The following PIGL variants were observed in gnomAD, a reference collection of about 807,000 sequenced individuals.
PIGL encodes phosphatidylinositol glycan anchor biosynthesis class L.
Under a neutral mutation model 31.1 loss-of-function variants are expected in PIGL, and 22 were observed. That is an observed-to-expected ratio of 0.71 (90% confidence interval 0.51 to 1.01). The LOEUF (loss-of-function observed/expected upper bound fraction) is 1.01. Ranked by LOEUF, PIGL falls within the 50% of genes least tolerant of loss-of-function variation. PIGL has a pLI of 0.00. For missense variants in PIGL, 302 were observed against 315.9 expected, an observed-to-expected ratio of 0.96 and a Z score of 0.33; for synonymous variants, 131 against 117.4, an observed-to-expected ratio of 1.12 and a Z score of -0.75.
chr17:16,307,218 G>A (rs887543125), intron 3 of PIGL, among the ~76,000 whole-genome samples: 2 of 152,156 alleles, frequency 1.3e-5, no homozygotes, highest in African/African-American at 2.4e-5. Context: ...GCCAGAAGCC[G>A]GTCTCCTCAT....
chr17:16,267,448 A>G (rs1052406413), intron 2 of PIGL, among the ~76,000 whole-genome samples: 2 of 152,098 alleles, frequency 1.3e-5, no homozygotes, highest in African/African-American at 4.8e-5. Flanking sequence ...TTGAAAAAAT[A>G]TCTTTGTATA....
chr17:16,301,001 C>T (rs547252643), intron 3 of PIGL, among the ~76,000 whole-genome samples: 4 of 152,272 alleles, frequency 2.6e-5, no homozygotes, highest in African/African-American at 9.6e-5. Flanking sequence ...TACTGTCTAC[C>T]ACTCAAAAAA....
At chr17:16,269,400 C>A (rs532668960) in intron 2 of PIGL, among the ~76,000 whole-genome samples, 1 of 152,340 alleles carries the variant, frequency 6.6e-6, no homozygotes, top group Admixed American at 6.5e-5. Context: ...GCAATCCCAG[C>A]ACTTTGGGAG....
At chr17:16,242,571 G>A (rs2092727212) in intron 2 of PIGL, among the ~76,000 whole-genome samples, 1 of 143,806 alleles carries the variant, frequency 7.0e-6, no homozygotes, top group African/African-American at 2.6e-5. Flanking sequence ...CTAAAGTTTT[G>A]TAGGTAAATC....
At chr17:16,249,075 C>T (rs1183179935) in intron 2 of PIGL, among the ~76,000 whole-genome samples, 1 of 152,212 alleles carries the variant, frequency 6.6e-6, no homozygotes, top group African/African-American at 2.4e-5. Context: ...TGCAGTAGTC[C>T]TCCCTTATCC....
intron 2 of PIGL, among the ~76,000 whole-genome samples, chr17:16,265,506 G>A (rs1264979691): frequency 6.6e-6 from 1 of 152,234 alleles, no homozygotes; most frequent in East Asian, 1.9e-4. Context: ...ACTTTGGGAG[G>A]CTGAGGTGGG....
At chr17:16,262,755 C>A (rs1463363769) in intron 2 of PIGL, among the ~76,000 whole-genome samples, 1 of 152,150 alleles carries the variant, frequency 6.6e-6, no homozygotes, top group African/African-American at 2.4e-5. Flanking sequence ...CAAACAAAAA[C>A]TTGTATATGA....
intron 2 of PIGL, among the ~76,000 whole-genome samples, chr17:16,267,761 T>C (rs994023285): frequency 5.3e-5 from 8 of 152,040 alleles, no homozygotes; most frequent in Non-Finnish European, 1.2e-4. Context: ...GGTTTCTAAC[T>C]TGGCAATTAG....
chr17:16,261,770 T>A (rs899853563), intron 2 of PIGL, among the ~76,000 whole-genome samples: 1 of 151,850 alleles, frequency 6.6e-6, no homozygotes, highest in Non-Finnish European at 1.5e-5. Context: ...CCTGGCTAAT[T>A]TTTTTGTATT....
chr17:16,226,267 T>C (rs1016982812), intron 1 of PIGL, among the ~76,000 whole-genome samples: 11 of 152,114 alleles, frequency 7.2e-5, no homozygotes, highest in Non-Finnish European at 1.6e-4. Context: ...ACCCAAAGAC[T>C]AGGGGCTGGA....
intron 2 of PIGL, among the ~76,000 whole-genome samples, chr17:16,236,995 T>G (rs966693674): frequency 1.3e-5 from 2 of 151,982 alleles, no homozygotes; most frequent in Non-Finnish European, 2.9e-5. Flanking sequence ...TGGAGTGAAC[T>G]GGCGTGATCA....
In PIGL at chr17:16,229,481, C is replaced by CTT. The variant is rs71353784; in HGVS notation, c.236-4471_236-4470dup. ...AGTATTTATTTGAGTACCGGTTTTC[C>CTT]TTTTTTTTTTTTTTTTTTTTGAGTA... On this transcript the variant is annotated intron_variant, in intron 1 of 6. Transcript: ENST00000225609. Among the ~76,000 whole-genome samples, 892 of 114,194 alleles carry CTT rather than the reference C, an allele frequency of 7.8e-3. 15 individuals are homozygous for CTT. Among genetic ancestry groups the CTT allele is most frequent in the African/African-American group, 0.027 (820 of 30,100 alleles). The allele number at this position is 114,194 out of a possible 152,430, so 74.9% of individuals were successfully genotyped here. A position where few individuals can be genotyped will look rare whatever the true frequency, so the allele number is the denominator to read the frequency against.
intron 2 of PIGL, among the ~76,000 whole-genome samples, chr17:16,259,801 G>A (rs1213244335): frequency 2.0e-5 from 3 of 152,240 alleles, no homozygotes; most frequent in Non-Finnish European, 4.4e-5. Flanking sequence ...AAGAACAGGC[G>A]GGAGCCCTAC....
At chr17:16,256,454 C>A (rs1177610796) in intron 2 of PIGL, among the ~76,000 whole-genome samples, 1 of 152,070 alleles carries the variant, frequency 6.6e-6, no homozygotes. Flanking sequence ...CAGCTTCAAG[C>A]GATTCCTCTG....
intron 2 of PIGL, among the ~76,000 whole-genome samples, chr17:16,235,864 G>A (rs374246736): frequency 3.3e-5 from 5 of 150,140 alleles, no homozygotes; most frequent in African/African-American, 4.9e-5. Context: ...CAGGAGACAC[G>A]TACTATCTGT....
At chr17:16,248,434 T>C (rs1014893852) in intron 2 of PIGL, among the ~76,000 whole-genome samples, 2 of 152,200 alleles carry the variant, frequency 1.3e-5, no homozygotes, top group Admixed American at 6.5e-5. Context: ...AGGCAGGTTC[T>C]TTGCTTCTTT....
intron 6 of PIGL, among the ~76,000 whole-genome samples, 175 bp downstream of exon 6, chr17:16,318,083 T>G (rs764064355): frequency 2.6e-5 from 4 of 152,342 alleles, no homozygotes; most frequent in African/African-American, 4.8e-5. Context: ...GATTTTTCAA[T>G]GACTTTAGCC....
intron 3 of PIGL, among the ~76,000 whole-genome samples, chr17:16,312,138 C>T (rs867606641): frequency 6.9e-6 from 1 of 145,422 alleles, no homozygotes; most frequent in Non-Finnish European, 1.5e-5. Context: ...GGGGGCTGCC[C>T]GCAGCCCCCC....
At chr17:16,299,795 A>C (rs2092996619) in intron 2 of PIGL, 93 bp from the exon 3 acceptor site, 1 of 853,416 alleles carries the variant, frequency 1.2e-6, no homozygotes. Flanking sequence ...CCCCAATGTA[A>C]CTATCATAAA....
Sources: gnomAD v4.1 joint callset for allele counts (sites outside exome capture counted in the v4.1 genomes callset) on GRCh38, gnomAD v4.1.1 for gene constraint, MANE v1.5 for transcripts, NCBI Gene and HGNC (gene_info 2026-07-23, HGNC 2026-07-21) for gene names.